Variants in CDH4 observed in about 807,000 individuals in gnomAD.
CDH4 encodes the protein cadherin 4, also known as cadherin-4.
In CDH4, 33 loss-of-function variants were observed where a neutral mutation model predicts 86.0. The ratio of observed to expected loss-of-function variants is 0.38; its 90% CI spans 0.29 to 0.51. CDH4 has a LOEUF of 0.51. Among genes scored for constraint, CDH4 ranks in the 20% least tolerant of loss-of-function variants. The probability of loss-of-function intolerance (pLI) is 0.86; values close to 1 mark genes in which losing one functional copy is unlikely to be tolerated. For synonymous variants in CDH4, 555 were observed against 549.4 expected (o/e 1.01, Z -0.14); for missense variants, 1,114 against 1,307.4 (o/e 0.85, Z 2.28).
chr20:61,660,909 C>T lies in CDH4; in HGVS notation c.170-82654C>T, dbSNP rs559090857. Among the ~76,000 whole-genome samples the T allele has an allele frequency of 4.2e-3, 636 of 152,178 alleles. 1 individual carries two copies. Among genetic ancestry groups the T allele is most frequent in the Middle Eastern group, 6.8e-3 (2 of 294 alleles). On this transcript the variant is annotated intron_variant, in intron 2 of 15. Coordinates refer to ENST00000614565, the MANE Select transcript of CDH4 (RefSeq NM_001794.5). ...GGGCAGCCTTACCGGGACTCATGGTCCCGCAGCCTCTGGAGTTTGTGACTT... is the reference window on the plus strand; with the variant it reads ...GGGCAGCCTTACCGGGACTCATGGTTCCGCAGCCTCTGGAGTTTGTGACTT...
chr20:61,654,244 G>A (rs545032784), intron 2 of CDH4, among the ~76,000 whole-genome samples: 38 of 152,184 alleles, frequency 2.5e-4, no homozygotes, highest in South Asian at 1.0e-3. Context: ...CCAACACAGC[G>A]AAACCCCGTC....
chr20:61,633,428 T>C (rs1176060743), intron 2 of CDH4, among the ~76,000 whole-genome samples: 1 of 151,982 alleles, frequency 6.6e-6, no homozygotes, highest in Non-Finnish European at 1.5e-5. Flanking sequence ...CAAACATCCA[T>C]CCTCCCATCC....
chr20:61,795,092 GGTA>G (rs796800359), intron 4 of CDH4, among the ~76,000 whole-genome samples: 1 of 114,084 alleles, frequency 8.8e-6, no homozygotes, highest in African/African-American at 3.9e-5. Context: ...TGATGTTGAT[GGTA>G]ATGATGGTGA....
chr20:61,843,734 AT>A (rs1982295756), intron 4 of CDH4, among the ~76,000 whole-genome samples: 1 of 151,396 alleles, frequency 6.6e-6, no homozygotes, highest in African/African-American at 2.4e-5. Flanking sequence ...TTTTGGGGGT[AT>A]TTTTGGGGTT....
chr20:61,273,391 C>T (rs2123143208), intron 2 of CDH4, among the ~76,000 whole-genome samples: 2 of 105,072 alleles, frequency 1.9e-5, no homozygotes, highest in South Asian at 3.3e-4. Flanking sequence ...GTACCGTGTG[C>T]AGTTTGGGGG....
chr20:61,882,821 A>G (rs112423370), intron 7 of CDH4, among the ~76,000 whole-genome samples: 5,336 of 102,738 alleles, frequency 0.052, 99 homozygotes, highest in South Asian at 0.099. Context: ...GGGCCGCCCC[A>G]GCCCCCCGCC....
chr20:61,404,138 GAGCTGCTA>G (rs2085066132), intron 2 of CDH4, among the ~76,000 whole-genome samples: 1 of 52,008 alleles, frequency 1.9e-5, no homozygotes, highest in Non-Finnish European at 3.3e-5. Context: ...TGGTGCAGCT[GAGCTGCTA>G]CAGCCAGGCG....
intron 6 of CDH4, among the ~76,000 whole-genome samples, chr20:61,859,506 C>G (rs1983221881): frequency 6.6e-6 from 1 of 152,206 alleles, no homozygotes; most frequent in Admixed American, 6.5e-5. Flanking sequence ...TCTGGGTTTT[C>G]TAACAGTTGT....
chr20:61,785,914 C>T (rs958654372), intron 4 of CDH4, among the ~76,000 whole-genome samples: 13 of 152,154 alleles, frequency 8.5e-5, no homozygotes, highest in African/African-American at 2.9e-4. Context: ...TTTCTTTCCT[C>T]CAAAGGAACC....
At chr20:61,861,797 C>T (rs1188311263) in intron 6 of CDH4, among the ~76,000 whole-genome samples, 5 of 152,174 alleles carry the variant, frequency 3.3e-5, no homozygotes, top group Non-Finnish European at 5.9e-5. Flanking sequence ...TGGGCAGTTT[C>T]CTGTAGGAAG....
intron 2 of CDH4, among the ~76,000 whole-genome samples, chr20:61,258,369 C>T (rs1210882877): frequency 7.7e-6 from 1 of 129,594 alleles, no homozygotes; most frequent in East Asian, 2.3e-4. Context: ...GAAAGAGGAG[C>T]ATGTTTCTAA....
At chr20:61,522,713 T>C (rs2145629351) in intron 2 of CDH4, among the ~76,000 whole-genome samples, 1 of 128,024 alleles carries the variant, frequency 7.8e-6, no homozygotes, top group South Asian at 2.4e-4. Context: ...CTGCGGGCTG[T>C]TGTCTTCCGC....
In CDH4 at chr20:61,591,075, GGTACCAGGGCTGGATCCATTGATAA is replaced by G. The variant is rs1479688912; in HGVS notation, c.170-152473_170-152449del. Among the ~76,000 whole-genome samples the G allele has an allele frequency of 4.6e-5, 7 of 152,214 alleles. No individual in the cohort carries two copies. In the East Asian group the frequency reaches 9.7e-4, roughly 21 times the overall value. On this transcript the variant is annotated intron_variant, in intron 2 of 15. Transcript: ENST00000614565. ...AGTACCAGGGCTAGATCCACTGATAGGTACCAGGGCTGGATCCATTGATAAGTACCAGGGCTGGACCTACTAATAA... is the reference window on the plus strand; with the variant it reads ...AGTACCAGGGCTAGATCCACTGATAGGTACCAGGGCTGGACCTACTAATAA...
At chr20:61,296,257 G>A (rs1489126491) in intron 2 of CDH4, among the ~76,000 whole-genome samples, 1 of 19,566 alleles carries the variant, frequency 5.1e-5, no homozygotes, top group East Asian at 8.2e-4. Context: ...GTGTGTGCAT[G>A]TGTGCGTGTG....
intron 4 of CDH4, among the ~76,000 whole-genome samples, chr20:61,802,979 G>T (rs913144879): frequency 1.3e-5 from 2 of 152,250 alleles, no homozygotes; most frequent in African/African-American, 2.4e-5. Context: ...TGGCAGCTGG[G>T]GAGGCAGAGG....
At chr20:61,369,268 T>C (rs992931414) in intron 2 of CDH4, among the ~76,000 whole-genome samples, 3 of 151,582 alleles carry the variant, frequency 2.0e-5, no homozygotes, top group South Asian at 2.1e-4. Flanking sequence ...CTGGCCAACA[T>C]AGTGAAACCC....
intron 3 of CDH4, among the ~76,000 whole-genome samples, chr20:61,750,570 A>T (rs2088480210): frequency 6.6e-6 from 1 of 152,254 alleles, no homozygotes; most frequent in African/African-American, 2.4e-5. Context: ...CTATCCAAAG[A>T]TTACAAAAAG....
At chr20:61,780,822 C>G (rs1330066681) in intron 4 of CDH4, among the ~76,000 whole-genome samples, 1 of 152,172 alleles carries the variant, frequency 6.6e-6, no homozygotes, top group African/African-American at 2.4e-5. Flanking sequence ...GGGCACCATC[C>G]CAGGCCTTGC....
chr20:61,347,020 G>C (rs1027310636), intron 2 of CDH4, among the ~76,000 whole-genome samples: 2 of 152,150 alleles, frequency 1.3e-5, no homozygotes, highest in East Asian at 3.9e-4. Flanking sequence ...TTTCATGGCT[G>C]TCTCCTCCAT....
Sources: gnomAD v4.1 joint callset for allele counts (sites outside exome capture counted in the v4.1 genomes callset) on GRCh38, gnomAD v4.1.1 for gene constraint, MANE v1.5 for transcripts, NCBI Gene and HGNC (gene_info 2026-07-23, HGNC 2026-07-21) for gene names.